Variants in LYSMD1 observed in about 807,000 individuals in gnomAD.
LYSMD1 encodes lysM and putative peptidoglycan-binding domain-containing protein 1.
A neutral mutation model predicts 19.3 loss-of-function variants in LYSMD1; 9 were observed. That is an observed-to-expected ratio of 0.47 (90% CI 0.28 to 0.81). The LOEUF is 0.81. Among genes scored for constraint, LYSMD1 ranks in the 40% least tolerant of loss-of-function variants. LYSMD1 has a pLI of 0.11. For synonymous variants in LYSMD1, 111 were observed against 111.7 expected, an observed-to-expected ratio of 0.99 and a Z score of 0.04; for missense variants, 262 against 279.8, an observed-to-expected ratio of 0.94 and a Z score of 0.45.
At position 151,165,731 on chromosome 1, in the gene LYSMD1, A is replaced by G; in HGVS notation, c.-473T>C. The G allele has an allele frequency of 1.3e-5, 20 of 1,551,742 alleles. No individual in the cohort carries two copies. Among genetic ancestry groups the G allele is most frequent in the Non-Finnish European group, 1.7e-5 (19 of 1,147,002 alleles). The stretch of plus-strand genomic sequence containing the variant: ...GCAGACGAAGAGCGTGAGGATTGCA[A>G]GAATTTGTAGTACACCTTCCACTCA... On this transcript the variant is annotated 5_prime_UTR_variant, in exon 1 of 3. Transcript: ENST00000368908.
downstream of LYSMD1, among the ~76,000 whole-genome samples, chr1:151,158,322 CA>C (rs587732030): frequency 0.16 from 13,234 of 83,758 alleles, 672 homozygotes; most frequent in African/African-American, 0.26. Flanking sequence ...GACTCCGTCT[CA>C]AAAAAAAAAA....
At chr1:151,158,745 G>C, downstream of LYSMD1, 1 of 1,613,236 alleles carries the variant, frequency 6.2e-7, no homozygotes, top group Non-Finnish European at 8.5e-7. Flanking sequence ...CAGAGAAGAA[G>C]CTACTGAGTA....
At chr1:151,153,762 G>C in the LYSMD1 span, among the ~76,000 whole-genome samples, 4,733 of 151,964 alleles carry the variant, frequency 0.031, 244 homozygotes, top group African/African-American at 0.11. Flanking sequence ...AGACCAGCCT[G>C]GCCAAGATGG....
intron 1 of LYSMD1, among the ~76,000 whole-genome samples, chr1:151,163,878 T>TTGTGTG (rs57906452): frequency 0.023 from 3,321 of 141,990 alleles, 133 homozygotes; most frequent in African/African-American, 0.081. Context: ...TTTCCTATCT[T>TTGTGTG]TGTGTGTGTG....
the LYSMD1 span, among the ~76,000 whole-genome samples, chr1:151,152,109 A>C: frequency 2.0e-5 from 3 of 152,094 alleles, no homozygotes; most frequent in African/African-American, 7.2e-5. Flanking sequence ...AAAACAAAAA[A>C]AAAACAAGCC....
chr1:151,150,237 T>C, the LYSMD1 span, among the ~76,000 whole-genome samples: 1 of 152,208 alleles, frequency 6.6e-6, no homozygotes, highest in African/African-American at 2.4e-5. Flanking sequence ...ATTACCGGCG[T>C]CAGCCACCAT....
downstream of LYSMD1, among the ~76,000 whole-genome samples, chr1:151,156,221 C>T (rs1683218785): frequency 1.3e-5 from 2 of 151,772 alleles, no homozygotes; most frequent in South Asian, 4.1e-4. Flanking sequence ...GGTCCCAGCA[C>T]CTTCCTCCCT....
In LYSMD1 at chr1:151,160,865, A is replaced by T; in HGVS notation, c.*17T>A. ...TCTCTTTCAACATCTTGCTTCTCTCAGTCAGTTCTGGGGACATCAGAGTTT... is the reference window on the plus strand; with the variant it reads ...TCTCTTTCAACATCTTGCTTCTCTCTGTCAGTTCTGGGGACATCAGAGTTT... On this transcript the variant is annotated 3_prime_UTR_variant, in exon 3 of 3. Transcript: ENST00000368908. The T allele has an allele frequency of 2.5e-6, 4 of 1,605,356 alleles. No individual in the cohort carries two copies. The highest frequency in any genetic ancestry group is 3.4e-6 in the Non-Finnish European group (4 of 1,173,346).
At chr1:151,153,939 TGA>T in the LYSMD1 span, among the ~76,000 whole-genome samples, 5 of 147,176 alleles carry the variant, frequency 3.4e-5, no homozygotes, top group Non-Finnish European at 7.5e-5. Flanking sequence ...GGCGACAGAG[TGA>T]GACTCTGTCT....
intron 1 of LYSMD1, among the ~76,000 whole-genome samples, chr1:151,162,614 T>C (rs888327587): frequency 2.6e-5 from 4 of 152,208 alleles, no homozygotes; most frequent in Non-Finnish European, 5.9e-5. Context: ...CTATTAACAA[T>C]GTCATTAATA....
In LYSMD1 at chr1:151,165,486, T is replaced by TTC; in HGVS notation, c.-230_-229dup. On this transcript the variant is annotated 5_prime_UTR_variant, in exon 1 of 3. Transcript: ENST00000368908. The stretch of plus-strand genomic sequence containing the variant: ...CCTTGAGTATTCAGTCCCTCCCTAA[T>TTC]TCTCCCCTAAGCACCCCTCCGACTT... The TTC allele has an allele frequency of 7.0e-7, 1 of 1,431,038 alleles. No homozygotes were observed. Among genetic ancestry groups the TTC allele is most frequent in the Non-Finnish European group, 9.1e-7 (1 of 1,098,040 alleles). 88.6% of individuals were successfully genotyped at this position (1,431,038 alleles called of 1,614,324 possible). A position where few individuals can be genotyped will look rare whatever the true frequency, so the allele number is the denominator to read the frequency against.
downstream of LYSMD1, chr1:151,158,647 C>A: frequency 1.4e-6 from 2 of 1,434,758 alleles, no homozygotes; most frequent in Non-Finnish European, 1.9e-6. Context: ...TCTAAGGAAG[C>A]CTGTGGCCTT....
the LYSMD1 span, among the ~76,000 whole-genome samples, chr1:151,153,724 G>C: frequency 1.3e-5 from 2 of 151,436 alleles, no homozygotes; most frequent in Admixed American, 1.3e-4. Context: ...GGAGGCTGAG[G>C]TGGGTGGATC....
chr1:151,151,917 G>A, the LYSMD1 span, among the ~76,000 whole-genome samples: 5 of 143,908 alleles, frequency 3.5e-5, no homozygotes, highest in African/African-American at 1.0e-4. Flanking sequence ...CAACAAGAGC[G>A]AAACTCCATC....
chr1:151,161,783 G>C lies in LYSMD1; in HGVS notation c.498C>G (p.Ser166Arg), dbSNP rs1443024205. ...DFLKKLDSQI[S>R]LSKKAAAQKL... is the part of the protein sequence containing the mutation. ...TCTGAGCAGCAGCCTTCTTGGACAG[G>C]CTGATCTGTGAATCAAGCTTCTTAA... The change falls in exon 2 of 3, where the codon AGC becomes AGG. Residue 166 changes from serine (S) to arginine (R), a missense_variant. By Grantham distance (110) the Ser-to-Arg change is moderately radical. Transcript: ENST00000368908. The C allele has an allele frequency of 6.2e-7, 1 of 1,613,326 alleles. No individual in the cohort carries two copies. Among genetic ancestry groups the C allele is most frequent in the East Asian group, 2.2e-5 (1 of 44,890 alleles).
At chr1:151,158,705 C>A (rs1683317370), downstream of LYSMD1, 1 of 1,599,546 alleles carries the variant, frequency 6.3e-7, no homozygotes, top group East Asian at 2.2e-5. Context: ...CCCATGGAGT[C>A]CTTCAGCTCA....
rs760771705 is a variant in LYSMD1, at chr1:151,161,031, G to A, written c.546-11C>T. 3 of 1,612,728 alleles carry A rather than the reference G, an allele frequency of 1.9e-6. No individual in the cohort carries two copies. Among genetic ancestry groups the A allele is most frequent in the African/African-American group, 2.7e-5 (2 of 74,900 alleles). On this transcript the variant is annotated splice_polypyrimidine_tract_variant and intron_variant, in intron 2 of 2. Transcript: ENST00000368908. ...TCCTCCCCAGGTACCCTGCAATTGA[G>A]GAAAGGGGGGAAAGAGTGACAGATC...
chr1:151,158,717 A>C (rs1230075389), downstream of LYSMD1: 8 of 1,605,560 alleles, frequency 5.0e-6, no homozygotes, highest in Non-Finnish European at 6.8e-6. Flanking sequence ...TTCAGCTCAA[A>C]GAGCCTGGCA....
chr1:151,157,784 T>C (rs1317909634), downstream of LYSMD1, among the ~76,000 whole-genome samples: 1 of 152,230 alleles, frequency 6.6e-6, no homozygotes, highest in African/African-American at 2.4e-5. Context: ...CACTTGCATA[T>C]AGTAGGTTCT....
Sources: allele counts gnomAD v4.1 joint callset (sites outside exome capture counted in the v4.1 genomes callset), GRCh38; gene constraint gnomAD v4.1.1; transcripts MANE v1.5; gene names NCBI Gene and HGNC (gene_info 2026-07-23, HGNC 2026-07-21).